The following ANXA8 variants were observed in gnomAD, a reference collection of about 807,000 sequenced individuals.
ANXA8 encodes annexin A8.
In ANXA8, 9 loss-of-function variants were observed where a neutral mutation model predicts 26.8. That is an observed-to-expected ratio of 0.34 (90% CI 0.20 to 0.59). ANXA8 has a LOEUF of 0.59. ANXA8 is among the 20% of genes least tolerant of loss of function. ANXA8 has a pLI of 0.84. For missense variants in ANXA8, 83 were observed against 238.5 expected (o/e 0.35, Z 4.29); for synonymous variants, 39 against 94.8 (o/e 0.41, Z 3.42).
At chr10:47,706,256 GA>G in the ANXA8 span, 1 of 643,682 alleles carries the variant, frequency 1.6e-6, no homozygotes, top group Non-Finnish European at 2.6e-6. Flanking sequence ...GGTCTGTGGG[GA>G]AATCCTCATT....
the ANXA8 span, among the ~76,000 whole-genome samples, chr10:47,749,293 G>A: frequency 1.4e-5 from 2 of 140,510 alleles, no homozygotes; most frequent in East Asian, 4.2e-4. Flanking sequence ...CAGCAGATGT[G>A]CATACACAAA....
At chr10:47,689,591 T>C in the ANXA8 span, 16 of 512,292 alleles carry the variant, frequency 3.1e-5, no homozygotes, top group Non-Finnish European at 4.5e-5. Flanking sequence ...TCACCTATGT[T>C]AATTATGTTT....
chr10:47,616,353 C>T, the ANXA8 span, among the ~76,000 whole-genome samples: 5 of 63,562 alleles, frequency 7.9e-5, 2 homozygotes, highest in Non-Finnish European at 1.9e-4. Context: ...ATTTGTTAAC[C>T]TGTGTAATTT....
At chr10:47,946,199 C>G in the ANXA8 span, among the ~76,000 whole-genome samples, 1 of 148,214 alleles carries the variant, frequency 6.7e-6, no homozygotes, top group Non-Finnish European at 1.5e-5. Flanking sequence ...TATTTGAATG[C>G]TATCCATCCT....
chr10:47,594,780 T>G, the ANXA8 span, among the ~76,000 whole-genome samples: 1 of 147,560 alleles, frequency 6.8e-6, no homozygotes, highest in South Asian at 2.1e-4. Context: ...AAGAAACCAC[T>G]TCTACAACTT....
the ANXA8 span, among the ~76,000 whole-genome samples, chr10:47,743,346 A>ATATATATG: frequency 1.1e-5 from 1 of 91,628 alleles, no homozygotes; most frequent in East Asian, 2.9e-4. Flanking sequence ...ATATACATAT[A>ATATATATG]TATATATACA....
At chr10:47,953,905 G>T in the ANXA8 span, among the ~76,000 whole-genome samples, 1 of 150,026 alleles carries the variant, frequency 6.7e-6, no homozygotes, top group Non-Finnish European at 1.5e-5. Context: ...TGTTGGTGAG[G>T]ATGTGGAGAA....
the ANXA8 span, among the ~76,000 whole-genome samples, chr10:47,627,970 G>A: frequency 6.7e-6 from 1 of 149,868 alleles, no homozygotes; most frequent in Non-Finnish European, 1.5e-5. Context: ...CTTATGACTA[G>A]AGAGTGTTGT....
the ANXA8 span, among the ~76,000 whole-genome samples, chr10:47,950,651 C>T: frequency 6.6e-6 from 1 of 150,482 alleles, no homozygotes; most frequent in East Asian, 2.0e-4. Context: ...TTCAGTGGAA[C>T]TAAAATAGAA....
chr10:47,561,785 G>A, the ANXA8 span, among the ~76,000 whole-genome samples: 2 of 151,446 alleles, frequency 1.3e-5, no homozygotes, highest in Non-Finnish European at 2.9e-5. Flanking sequence ...TGCCAGGTAG[G>A]GAAGCCAGAT....
the ANXA8 span, among the ~76,000 whole-genome samples, chr10:47,947,651 AG>A: frequency 6.6e-6 from 1 of 150,766 alleles, no homozygotes; most frequent in Non-Finnish European, 1.5e-5. Flanking sequence ...CGCCATGTGA[AG>A]GATGTGTTTG....
chr10:47,717,815 T>C, the ANXA8 span, among the ~76,000 whole-genome samples: 1 of 151,698 alleles, frequency 6.6e-6, no homozygotes, highest in Non-Finnish European at 1.5e-5. Flanking sequence ...CTGGCCAACG[T>C]GGTGAAACCC....
chr10:47,650,205 C>CAAA, the ANXA8 span, among the ~76,000 whole-genome samples: 1 of 99,868 alleles, frequency 1.0e-5, no homozygotes, highest in Non-Finnish European at 2.2e-5. Context: ...AAGTCTGTCT[C>CAAA]AAAAAAAAAA....
chr10:47,585,206 G>A, the ANXA8 span, among the ~76,000 whole-genome samples: 1 of 110,426 alleles, frequency 9.1e-6, no homozygotes, highest in Admixed American at 1.2e-4. Flanking sequence ...AGAGGTTGCA[G>A]TGAACCGAGA....
chr10:47,651,842 C>T, the ANXA8 span, among the ~76,000 whole-genome samples: 3 of 151,606 alleles, frequency 2.0e-5, no homozygotes, highest in South Asian at 2.1e-4. Context: ...TGCAGTGAGC[C>T]GAGATCATGC....
intron 1 of ANXA8, among the ~76,000 whole-genome samples, chr10:47,480,859 CCCATCCAT>C (rs566985938): frequency 0.017 from 2,144 of 126,124 alleles, 38 homozygotes; most frequent in East Asian, 0.045. Context: ...TATGCACCCG[CCCATCCAT>C]CCATCCATCC....
At chr10:47,621,368 A>C in the ANXA8 span, among the ~76,000 whole-genome samples, 1 of 111,798 alleles carries the variant, frequency 8.9e-6, no homozygotes, top group African/African-American at 3.5e-5. Context: ...ACACAAATGT[A>C]TCAACAACAC....
chr10:47,494,984 C>T, the ANXA8 span, among the ~76,000 whole-genome samples: 1 of 151,728 alleles, frequency 6.6e-6, no homozygotes, highest in Non-Finnish European at 1.5e-5. Context: ...GGAGGATCAT[C>T]AGGAGCTGCA....
the ANXA8 span, among the ~76,000 whole-genome samples, chr10:47,528,845 A>G: frequency 1.5e-5 from 2 of 134,434 alleles, no homozygotes; most frequent in African/African-American, 5.4e-5. Flanking sequence ...AATAGGTGAT[A>G]TGTTGAAATG....
Sources: allele counts gnomAD v4.1 joint callset (sites outside exome capture counted in the v4.1 genomes callset), GRCh38; gene constraint gnomAD v4.1.1; transcripts MANE v1.5; gene names NCBI Gene and HGNC (gene_info 2026-07-23, HGNC 2026-07-21).